KBTBD8: variants seen among roughly 807,000 people sequenced by gnomAD.
KBTBD8 encodes kelch repeat and BTB domain containing 8.
In KBTBD8, 31 loss-of-function variants were observed where a neutral mutation model predicts 53.5. The observed-to-expected ratio is 0.58, with a 90% CI of 0.44 to 0.78. KBTBD8 has a LOEUF of 0.78. Among genes scored for constraint, KBTBD8 ranks in the 30% least tolerant of loss-of-function variants. The pLI is 0.00. For synonymous variants in KBTBD8, 250 were observed against 247.3 expected, an observed-to-expected ratio of 1.01 and a Z score of -0.10; for missense variants, 642 against 735.8, an observed-to-expected ratio of 0.87 and a Z score of 1.48.
At chr3:67,006,459 T>A (rs1315336886) in intron 3 of KBTBD8, among the ~76,000 whole-genome samples, 1 of 152,244 alleles carries the variant, frequency 6.6e-6, no homozygotes, top group Non-Finnish European at 1.5e-5. Context: ...AACATTCAAC[T>A]TCTTTGGTGT....
chr3:66,999,433 G>T (rs1005740088), intron 2 of KBTBD8, among the ~76,000 whole-genome samples: 50 of 152,320 alleles, frequency 3.3e-4, no homozygotes, highest in African/African-American at 1.2e-3. Flanking sequence ...TGAGGTAAAT[G>T]ACCAGAAAAT....
At position 67,003,965 on chromosome 3, in the gene KBTBD8, C is replaced by T. The variant is rs1702041189; in HGVS notation, c.998C>T (p.Pro333Leu). 1 of 1,613,960 alleles carries T rather than the reference C, an allele frequency of 6.2e-7. No individual in the cohort carries two copies. The highest frequency in any genetic ancestry group is 1.3e-5 in the African/African-American group (1 of 74,912). Residue 333 changes from proline to leucine, a missense_variant, in exon 3 of 4, where the codon CCA becomes CTA. Physicochemically the swap from Pro to Leu is moderately conservative, Grantham distance 98 (BLOSUM62 -3). Coordinates refer to ENST00000417314, the MANE Select transcript of KBTBD8 (RefSeq NM_032505.3). ...AGAGAAGTTGGGATTCTTGTATCAC[C>T]AGATAATGACATTTACATTGCAGGA... ...DLREVGILVS[P>L]DNDIYIAGGY...
At chr3:67,003,160 C>A in intron 2 of KBTBD8, 35 bp from the exon 3 acceptor site, 1 of 1,570,122 alleles carries the variant, frequency 6.4e-7, no homozygotes. Context: ...TGATTTATAG[C>A]ACACGTGTAA....
chr3:67,008,638 A>G lies in KBTBD8; in HGVS notation c.*253A>G, dbSNP rs186993356. The G allele has an allele frequency of 4.3e-4, 185 of 434,550 alleles. 3 individuals carry two copies. The East Asian group carries it at 6.6e-3, about 15-fold the overall frequency. The allele number at this position is 434,550 out of a possible 1,614,324, so 26.9% of individuals were successfully genotyped here. Reference sequence around the variant, plus strand: ...CATAAAATTAATCATTTCATTTTATAATTTTGTGATAAATAGTAACTGAGG... The same window carrying G: ...CATAAAATTAATCATTTCATTTTATGATTTTGTGATAAATAGTAACTGAGG... On this transcript the variant is annotated 3_prime_UTR_variant, in exon 4 of 4. Coordinates refer to ENST00000417314, the MANE Select transcript of KBTBD8 (RefSeq NM_032505.3).
At position 67,003,915 on chromosome 3, in the gene KBTBD8, AC is replaced by A; in HGVS notation, c.949del (p.Leu317TyrfsTer8). Reference protein sequence around the residue: ...LDIVTGRVFKLCKPPNDLREV... With the variant: ...LDIVTGRVFKXCKPPNDLREV... Reference sequence around the variant, plus strand: ...ATATAGTCACAGGAAGGGTGTTTAAACTATGCAAACCACCAAATGACCTGAG... The same window carrying A: ...ATATAGTCACAGGAAGGGTGTTTAAATATGCAAACCACCAAATGACCTGAG... On this transcript the variant is annotated frameshift_variant, in exon 3 of 4. Transcript: ENST00000417314. LOFTEE classifies it high-confidence loss of function. The A allele has an allele frequency of 6.2e-7, 1 of 1,614,160 alleles. No homozygotes were observed. The highest frequency in any genetic ancestry group is 1.3e-5 in the African/African-American group (1 of 75,064).
Position 67,009,404 on chromosome 3 carries a change from T to G in KBTBD8, c.*1019T>G, listed in dbSNP as rs1034612457. On this transcript the variant is annotated 3_prime_UTR_variant, in exon 4 of 4. Coordinates refer to ENST00000417314, the MANE Select transcript of KBTBD8 (RefSeq NM_032505.3). Reference sequence around the variant, plus strand: ...TATTGGTACAAGGAAAGGTAACTTATTTCTCTTCTGCACAGAGCATAATGT... The same window carrying G: ...TATTGGTACAAGGAAAGGTAACTTAGTTCTCTTCTGCACAGAGCATAATGT... 16 of 152,664 alleles carry G rather than the reference T, an allele frequency of 1.0e-4. No individual in the cohort carries two copies. Among genetic ancestry groups the G allele is most frequent in the Non-Finnish European group, 1.5e-5 (1 of 68,028 alleles). The allele number at this position is 152,664 out of a possible 1,614,324, so 9.5% of individuals were successfully genotyped here.
chr3:67,007,326 T>G (rs1263178430), intron 3 of KBTBD8, among the ~76,000 whole-genome samples: 2 of 150,928 alleles, frequency 1.3e-5, no homozygotes, highest in Non-Finnish European at 1.5e-5. Flanking sequence ...TGTGTTTTTT[T>G]TTTTTTTTTT....
chr3:67,008,409 C>A lies in KBTBD8; in HGVS notation c.*24C>A. ...AAATGAGTAGCAGGCCTTAGTGCAT[C>A]ACTGGCATCTCATTCTTAGGAAACT... On this transcript the variant is annotated 3_prime_UTR_variant, in exon 4 of 4. Coordinates refer to ENST00000417314, the MANE Select transcript of KBTBD8 (RefSeq NM_032505.3). 1 of 1,453,452 alleles carries A rather than the reference C, an allele frequency of 6.9e-7. No homozygotes were observed. Among genetic ancestry groups the A allele is most frequent in the Non-Finnish European group, 9.5e-7 (1 of 1,053,178 alleles). 90.0% of individuals were successfully genotyped at this position (1,453,452 alleles called of 1,614,324 possible). A position where few individuals can be genotyped will look rare whatever the true frequency, so the allele number is the denominator to read the frequency against.
chr3:67,002,668 A>G (rs952440406), intron 2 of KBTBD8, among the ~76,000 whole-genome samples: 53 of 151,910 alleles, frequency 3.5e-4, no homozygotes, highest in African/African-American at 1.2e-3. Flanking sequence ...ACGCCCAGCT[A>G]ATTTTTTATT....
At position 67,008,913 on chromosome 3, in the gene KBTBD8, T is replaced by C. The variant is rs1190275650; in HGVS notation, c.*528T>C. 1.3e-5 allele frequency: 2 copies of C among 153,126 alleles called. No homozygotes were observed. The highest frequency in any genetic ancestry group is 2.9e-5 in the Non-Finnish European group (2 of 68,364). The allele number at this position is 153,126 out of a possible 1,614,324, so 9.5% of individuals were successfully genotyped here. On this transcript the variant is annotated 3_prime_UTR_variant, in exon 4 of 4. Coordinates refer to ENST00000417314, the MANE Select transcript of KBTBD8 (RefSeq NM_032505.3). ...AGTGTACTGAGATTTAAATGTGTTC[T>C]ATTATTAGAGTAGATCGAAGAAAAA...
intron 3 of KBTBD8, among the ~76,000 whole-genome samples, chr3:67,006,693 T>C (rs1702066455): frequency 6.6e-6 from 1 of 152,210 alleles, no homozygotes; most frequent in Non-Finnish European, 1.5e-5. Context: ...AGAGTAACCC[T>C]AGTTCAAAAC....
intron 3 of KBTBD8, 25 bp from the exon 4 acceptor site, chr3:67,007,897 C>T (rs746565864): frequency 1.5e-6 from 2 of 1,299,422 alleles, no homozygotes; most frequent in Non-Finnish European, 2.1e-6. Context: ...TTTACATATT[C>T]TTGTTTTCTT....
chr3:67,009,412 C>T lies in KBTBD8; in HGVS notation c.*1027C>T, dbSNP rs573064205. 1.3e-5 allele frequency: 2 copies of T among 152,754 alleles called. No homozygotes were observed. The highest frequency in any genetic ancestry group is 4.8e-5 in the African/African-American group (2 of 41,580). The allele number at this position is 152,754 out of a possible 1,614,324, so 9.5% of individuals were successfully genotyped here. On this transcript the variant is annotated 3_prime_UTR_variant, in exon 4 of 4. Coordinates refer to ENST00000417314, the MANE Select transcript of KBTBD8 (RefSeq NM_032505.3). ...CAAGGAAAGGTAACTTATTTCTCTT[C>T]TGCACAGAGCATAATGTGAAGTTTT...
rs2106765843 is a variant in KBTBD8, at chr3:67,010,903, T to C, written c.*2518T>C. ...AACTGGACTGGGTATAACTATGTTA[T>C]AGGAAAGTAGAAATTGTATTCTTTA... On this transcript the variant is annotated 3_prime_UTR_variant, in exon 4 of 4. Transcript: ENST00000417314. The C allele has an allele frequency of 6.5e-6, 1 of 152,776 alleles. No individual in the cohort carries two copies. The highest frequency in any genetic ancestry group is 1.5e-5 in the Non-Finnish European group (1 of 68,030). The allele number at this position is 152,776 out of a possible 1,614,324, so 9.5% of individuals were successfully genotyped here.
rs1702109209 is a variant in KBTBD8, at chr3:67,010,613, G to T, written c.*2228G>T. On this transcript the variant is annotated 3_prime_UTR_variant, in exon 4 of 4. Transcript: ENST00000417314. Reference sequence around the variant, plus strand: ...TTGAATTTTGTATGAAGAACTATTTGTTTAAATTATATAGCTGGGATATTT... The same window carrying T: ...TTGAATTTTGTATGAAGAACTATTTTTTTAAATTATATAGCTGGGATATTT... The T allele has an allele frequency of 6.6e-6, 1 of 152,538 alleles. No homozygotes were observed. Among genetic ancestry groups the T allele is most frequent in the Non-Finnish European group, 1.5e-5 (1 of 67,998 alleles). The allele number at this position is 152,538 out of a possible 1,614,324, so 9.4% of individuals were successfully genotyped here. A position where few individuals can be genotyped will look rare whatever the true frequency, so the allele number is the denominator to read the frequency against.
chr3:67,008,616 A>G lies in KBTBD8; in HGVS notation c.*231A>G. On this transcript the variant is annotated 3_prime_UTR_variant, in exon 4 of 4. Transcript: ENST00000417314. Reference sequence around the variant, plus strand: ...TATCAGCATTTTTTTTTCCTGGCATAAAATTAATCATTTCATTTTATAATT... The same window carrying G: ...TATCAGCATTTTTTTTTCCTGGCATGAAATTAATCATTTCATTTTATAATT... The G allele has an allele frequency of 2.1e-6, 1 of 477,360 alleles. No individual in the cohort carries two copies. The allele number at this position is 477,360 out of a possible 1,614,324, so 29.6% of individuals were successfully genotyped here.
intron 2 of KBTBD8, among the ~76,000 whole-genome samples, chr3:67,002,482 A>G (rs891721966): frequency 2.0e-5 from 3 of 146,772 alleles, no homozygotes; most frequent in African/African-American, 7.5e-5. Flanking sequence ...TTGTATGCTA[A>G]TGTATCATGT....
rs1702093353 is a variant in KBTBD8 at position 67,008,844 on chromosome 3, C to T, written c.*459C>T. ...ACAGAGAAGCACTAACTTAGATCCTCATTCTTAATATTTATATGTATCTAT... is the reference window on the plus strand; with the variant it reads ...ACAGAGAAGCACTAACTTAGATCCTTATTCTTAATATTTATATGTATCTAT... On this transcript the variant is annotated 3_prime_UTR_variant, in exon 4 of 4. Coordinates refer to ENST00000417314, the MANE Select transcript of KBTBD8 (RefSeq NM_032505.3). The T allele has an allele frequency of 6.3e-6, 1 of 157,494 alleles. No individual in the cohort carries two copies. Among genetic ancestry groups the T allele is most frequent in the South Asian group, 1.9e-4 (1 of 5,364 alleles). 9.8% of individuals were successfully genotyped at this position (157,494 alleles called of 1,614,324 possible).
intron 2 of KBTBD8, among the ~76,000 whole-genome samples, 178 bp downstream of exon 2, chr3:66,999,369 CTTCTAG>C (rs556187565): frequency 2.2e-3 from 336 of 152,244 alleles, no homozygotes; most frequent in African/African-American, 7.7e-3. Flanking sequence ...TTGAGGGATT[CTTCTAG>C]ATTTCGGGTG....
Sources: allele counts gnomAD v4.1 joint callset (sites outside exome capture counted in the v4.1 genomes callset), GRCh38; gene constraint gnomAD v4.1.1; transcripts MANE v1.5; gene names NCBI Gene and HGNC (gene_info 2026-07-23, HGNC 2026-07-21).